The following HYAL4 variants were observed in gnomAD, a reference collection of about 807,000 sequenced individuals.
The protein encoded by HYAL4 is hyaluronidase 4, also known as hyaluronidase-4.
In HYAL4, 37 loss-of-function variants were observed where a neutral mutation model predicts 35.2. That is an observed-to-expected ratio of 1.05 (90% confidence interval 0.81 to 1.38). The LOEUF (loss-of-function observed/expected upper bound fraction) is 1.38. HYAL4 is among the 40% of genes most tolerant of loss of function. The pLI, the probability that HYAL4 is intolerant of heterozygous loss-of-function variation, is 0.00. For synonymous variants in HYAL4, 198 were observed against 203.2 expected, an observed-to-expected ratio of 0.97 and a Z score of 0.22; for missense variants, 572 against 572.4, an observed-to-expected ratio of 1.00 and a Z score of 0.01.
the HYAL4 span, among the ~76,000 whole-genome samples, chr7:123,773,871 AT>A: frequency 6.6e-6 from 1 of 152,196 alleles, no homozygotes; most frequent in African/African-American, 2.4e-5. Flanking sequence ...AATGAATTTA[AT>A]TAGTCAGTCA....
At chr7:123,862,856 C>G (rs1189377290) in intron 2 of HYAL4, among the ~76,000 whole-genome samples, 1 of 152,200 alleles carries the variant, frequency 6.6e-6, no homozygotes, top group Non-Finnish European at 1.5e-5. Flanking sequence ...TCAAAGCCCA[C>G]CACATCTTTC....
At chr7:123,815,495 C>T in the HYAL4 span, among the ~76,000 whole-genome samples, 1 of 152,106 alleles carries the variant, frequency 6.6e-6, no homozygotes, top group African/African-American at 2.4e-5. Context: ...AAAAAAATTA[C>T]ATAGGTTCTC....
At chr7:123,797,758 ACT>A in the HYAL4 span, among the ~76,000 whole-genome samples, 1 of 152,042 alleles carries the variant, frequency 6.6e-6, no homozygotes, top group Non-Finnish European at 1.5e-5. Context: ...TCATTACTAG[ACT>A]CTGCTTTAAC....
At chr7:123,867,317 A>T (rs1476973913) in intron 2 of HYAL4, among the ~76,000 whole-genome samples, 1 of 152,156 alleles carries the variant, frequency 6.6e-6, no homozygotes, top group Non-Finnish European at 1.5e-5. Flanking sequence ...AAAAGTAACT[A>T]TGTGTGGGAA....
chr7:123,867,208 G>T (rs1391613393), intron 2 of HYAL4, among the ~76,000 whole-genome samples: 8 of 152,156 alleles, frequency 5.3e-5, no homozygotes, highest in Non-Finnish European at 1.2e-4. Context: ...TGCTGGGGAA[G>T]AAGGCCTTAT....
chr7:123,867,522 C>G (rs1806719557), intron 2 of HYAL4, among the ~76,000 whole-genome samples: 1 of 152,064 alleles, frequency 6.6e-6, no homozygotes, highest in Admixed American at 6.5e-5. Flanking sequence ...ACAAATATAA[C>G]TTTCTTAAGT....
the HYAL4 span, among the ~76,000 whole-genome samples, chr7:123,804,639 T>C: frequency 6.6e-6 from 1 of 152,306 alleles, no homozygotes; most frequent in East Asian, 1.9e-4. Context: ...TTCCCACACA[T>C]ACATTCCATG....
the HYAL4 span, among the ~76,000 whole-genome samples, chr7:123,766,455 T>C: frequency 6.6e-6 from 1 of 152,096 alleles, no homozygotes; most frequent in Non-Finnish European, 1.5e-5. Context: ...CCGGGTAACC[T>C]AAGCTTATTT....
the HYAL4 span, among the ~76,000 whole-genome samples, chr7:123,788,608 A>G: frequency 6.6e-6 from 1 of 152,186 alleles, no homozygotes; most frequent in African/African-American, 2.4e-5. Context: ...AAGTGTTCTG[A>G]ATTTAGATGA....
chr7:123,875,267 A>G (rs967128381), intron 4 of HYAL4, among the ~76,000 whole-genome samples: 1 of 152,232 alleles, frequency 6.6e-6, no homozygotes, highest in Non-Finnish European at 1.5e-5. Context: ...AAAATGTGTT[A>G]TATACTATTT....
upstream of HYAL4, among the ~76,000 whole-genome samples, chr7:123,840,444 T>G (rs866215770): frequency 2.6e-5 from 4 of 152,246 alleles, no homozygotes; most frequent in East Asian, 1.9e-4. Flanking sequence ...TTGTTCTTTT[T>G]GCTTAGGATT....
chr7:123,808,383 C>A, the HYAL4 span, among the ~76,000 whole-genome samples: 7 of 151,838 alleles, frequency 4.6e-5, no homozygotes, highest in Non-Finnish European at 1.0e-4. Flanking sequence ...CACACACACA[C>A]ACACGCATGC....
chr7:123,830,200 G>A (rs950127857), intron 1 of HYAL4, among the ~76,000 whole-genome samples: 14 of 152,160 alleles, frequency 9.2e-5, no homozygotes, highest in African/African-American at 3.1e-4. Flanking sequence ...CTTCCAGACT[G>A]TAATACTTTG....
chr7:123,840,345 T>C (rs1276310529), upstream of HYAL4, among the ~76,000 whole-genome samples: 1 of 152,216 alleles, frequency 6.6e-6, no homozygotes, highest in Non-Finnish European at 1.5e-5. Context: ...CATTGGTCTA[T>C]ATATCTGTTT....
At chr7:123,876,438 T>C (rs529381301) in intron 4 of HYAL4, among the ~76,000 whole-genome samples, 1 of 152,194 alleles carries the variant, frequency 6.6e-6, no homozygotes, top group Non-Finnish European at 1.5e-5. Context: ...AAAAAGAATG[T>C]AAATTGCAGA....
the HYAL4 span, among the ~76,000 whole-genome samples, chr7:123,811,835 T>TTTG: frequency 3.9e-4 from 60 of 151,976 alleles, no homozygotes; most frequent in East Asian, 5.6e-3. Flanking sequence ...TTATACCTTT[T>TTTG]TTGTTGTTGT....
chr7:123,846,553 TG>T (rs1430387266), intron 1 of HYAL4, among the ~76,000 whole-genome samples: 1 of 152,016 alleles, frequency 6.6e-6, no homozygotes, highest in African/African-American at 2.4e-5. Flanking sequence ...ACTGAGAACT[TG>T]CCCCAGACTA....
the HYAL4 span, among the ~76,000 whole-genome samples, chr7:123,787,334 G>T: frequency 6.6e-6 from 1 of 151,704 alleles, no homozygotes; most frequent in Non-Finnish European, 1.5e-5. Context: ...TCTGTGACAG[G>T]TCAGCTGAGG....
At chr7:123,834,648 GTC>G (rs771514863) in intron 1 of HYAL4, among the ~76,000 whole-genome samples, 14 of 152,164 alleles carry the variant, frequency 9.2e-5, no homozygotes, top group Non-Finnish European at 1.6e-4. Context: ...GGGCATCCTT[GTC>G]TTGTTCCAGT....
Sources: gnomAD v4.1 joint callset for allele counts (sites outside exome capture counted in the v4.1 genomes callset) on GRCh38, gnomAD v4.1.1 for gene constraint, MANE v1.5 for transcripts, NCBI Gene and HGNC (gene_info 2026-07-23, HGNC 2026-07-21) for gene names.